The following INPP5D variants were observed in gnomAD, a reference collection of about 807,000 sequenced individuals.
INPP5D encodes inositol polyphosphate-5-phosphatase D, also known as phosphatidylinositol 3,4,5-trisphosphate 5-phosphatase 1.
A neutral mutation model predicts 122.9 loss-of-function variants in INPP5D; 33 were observed. The ratio of observed to expected loss-of-function variants is 0.27; its 90% CI spans 0.20 to 0.36. INPP5D has a LOEUF of 0.36. Among genes scored for constraint, INPP5D ranks in the 10% least tolerant of loss-of-function variants. The pLI, the probability that INPP5D is intolerant of heterozygous loss-of-function variation, is 1.00. For synonymous variants in INPP5D, 584 were observed against 576.2 expected (o/e 1.01, Z -0.19); for missense variants, 1,053 against 1,412.7 (o/e 0.75, Z 4.08).
At chr2:233,087,090 G>A (rs887158148) in intron 2 of INPP5D, among the ~76,000 whole-genome samples, 29 of 152,222 alleles carry the variant, frequency 1.9e-4, no homozygotes, top group African/African-American at 6.0e-4. Context: ...GGATGGTTTC[G>A]CTTCTCATCT....
chr2:233,196,407 A>G (rs573924956), intron 24 of INPP5D, among the ~76,000 whole-genome samples: 1 of 152,368 alleles, frequency 6.6e-6, no homozygotes, highest in Admixed American at 6.5e-5. Context: ...AATTCAGTGC[A>G]GTCCCTGACT....
intron 22 of INPP5D, 102 bp from the exon 23 acceptor site, chr2:233,193,710 C>A (rs1695109527): frequency 6.3e-7 from 1 of 1,584,844 alleles, no homozygotes; most frequent in African/African-American, 1.3e-5. Context: ...TAACCCTTGC[C>A]TGGGCTATAG....
rs1291328774 is a variant in INPP5D at position 233,137,867 on chromosome 2, T to TACATAC, written c.666-1974_666-1973insCATACA. 3.4e-4 allele frequency among the ~76,000 whole-genome samples: 10 copies of TACATAC among 29,740 alleles called. 2 individuals carry two copies. Among genetic ancestry groups the TACATAC allele is most frequent in the Admixed American group, 1.0e-3 (2 of 1,964 alleles). The allele number at this position is 29,740 out of a possible 152,430, so 19.5% of individuals were successfully genotyped here. A position where few individuals can be genotyped will look rare whatever the true frequency, so the allele number is the denominator to read the frequency against. ...AAAAAAAAAAAAATATATATATATA[T>TACATAC]ATATATATATATATATATATATATA... On this transcript the variant is annotated intron_variant, in intron 5 of 26. Coordinates refer to ENST00000445964, the MANE Select transcript of INPP5D (RefSeq NM_001017915.3).
At chr2:233,167,253 C>A (rs1477534130) in intron 13 of INPP5D, among the ~76,000 whole-genome samples, 2 of 150,606 alleles carry the variant, frequency 1.3e-5, no homozygotes, top group Non-Finnish European at 2.9e-5. Context: ...TGCCTGTGGG[C>A]CCAGCTACTC....
intron 2 of INPP5D, among the ~76,000 whole-genome samples, chr2:233,091,700 A>G (rs1691998312): frequency 6.6e-6 from 1 of 152,332 alleles, no homozygotes; most frequent in African/African-American, 2.4e-5. Context: ...GAGCAACCTT[A>G]TCTCCCTCAG....
At position 233,163,687 on chromosome 2, in the gene INPP5D, G is replaced by A. The variant is rs773495039; in HGVS notation, c.1241-20G>A. ...TCGATGTGCCTTTGACTCACTTGGT[G>A]TTGGGTTTTGCTGTTGAAGGTAACG... On this transcript the variant is annotated intron_variant, in intron 11 of 26. Coordinates refer to ENST00000445964, the MANE Select transcript of INPP5D (RefSeq NM_001017915.3). 1.9e-6 allele frequency: 3 copies of A among 1,613,446 alleles called. No individual in the cohort carries two copies. The highest frequency in any genetic ancestry group is 1.3e-5 in the African/African-American group (1 of 74,858).
At chr2:233,130,897 G>A (rs2106264607) in intron 5 of INPP5D, 1 of 640,336 alleles carries the variant, frequency 1.6e-6, no homozygotes, top group East Asian at 3.3e-5. Context: ...AGTTGCTCTG[G>A]GAAGCGGATG....
At chr2:233,182,052 C>T (rs1284760491) in intron 18 of INPP5D, among the ~76,000 whole-genome samples, 18 of 152,144 alleles carry the variant, frequency 1.2e-4, no homozygotes, top group Non-Finnish European at 1.5e-4. Context: ...GCCGAGATCG[C>T]GCCACTGCAT....
At chr2:233,169,158 G>T in intron 13 of INPP5D, 147 bp from the exon 14 acceptor site, 1 of 1,180,986 alleles carries the variant, frequency 8.5e-7, no homozygotes, top group Non-Finnish European at 1.2e-6. Flanking sequence ...TCTGCCCAGC[G>T]GCTCCCACCC....
intron 11 of INPP5D, 91 bp from the exon 12 acceptor site, chr2:233,163,616 C>T (rs1694249601): frequency 6.3e-6 from 10 of 1,592,252 alleles, no homozygotes; most frequent in Non-Finnish European, 8.5e-6. Flanking sequence ...GACGTGACCT[C>T]CCTCACACTC....
intron 2 of INPP5D, among the ~76,000 whole-genome samples, chr2:233,121,419 C>T (rs1026034106): frequency 6.6e-6 from 1 of 150,616 alleles, no homozygotes. Context: ...ATTACCGGCA[C>T]AAGCCACTGC....
intron 1 of INPP5D, among the ~76,000 whole-genome samples, chr2:233,064,452 A>C (rs1360806626): frequency 6.6e-6 from 1 of 152,358 alleles, no homozygotes; most frequent in East Asian, 1.9e-4. Flanking sequence ...CACCAGCAGA[A>C]GGTTGTTACC....
At chr2:233,204,962 C>T (rs1695455251) in intron 26 of INPP5D, 3 of 529,756 alleles carry the variant, frequency 5.7e-6, no homozygotes, top group South Asian at 3.7e-5. Flanking sequence ...TGCATTGCCT[C>T]TGCAGCAGTT....
intron 14 of INPP5D, chr2:233,169,815 C>A: frequency 1.2e-6 from 1 of 802,468 alleles, no homozygotes; most frequent in Non-Finnish European, 1.9e-6. Flanking sequence ...GCCCTCTGTA[C>A]ACCCAATGTG....
At chr2:233,080,023 A>T (rs926049677) in intron 2 of INPP5D, among the ~76,000 whole-genome samples, 1 of 152,106 alleles carries the variant, frequency 6.6e-6, no homozygotes, top group African/African-American at 2.4e-5. Context: ...TCCACCTCCC[A>T]GGTTCAAGTG....
chr2:233,067,913 A>C (rs934154610), intron 1 of INPP5D, among the ~76,000 whole-genome samples: 8 of 152,230 alleles, frequency 5.3e-5, no homozygotes, highest in Non-Finnish European at 1.0e-4. Flanking sequence ...CAAGAGGACA[A>C]AATGGAAAGA....
intron 13 of INPP5D, among the ~76,000 whole-genome samples, chr2:233,165,984 CA>C (rs1694325148): frequency 6.6e-6 from 1 of 152,058 alleles, no homozygotes; most frequent in Admixed American, 6.6e-5. Flanking sequence ...GACAGAGTCC[CA>C]GAGATAACAG....
At chr2:233,129,815 C>T (rs1032145411) in intron 4 of INPP5D, among the ~76,000 whole-genome samples, 29 of 152,218 alleles carry the variant, frequency 1.9e-4, no homozygotes, top group African/African-American at 7.0e-4. Flanking sequence ...GCCCTCAGAT[C>T]CTATCTTTAT....
intron 2 of INPP5D, among the ~76,000 whole-genome samples, chr2:233,107,889 C>T (rs778492875): frequency 5.3e-5 from 8 of 152,132 alleles, no homozygotes; most frequent in Non-Finnish European, 8.8e-5. Context: ...AGCGCTGCCA[C>T]GGCACTCCCT....
Sources: allele counts gnomAD v4.1 joint callset (sites outside exome capture counted in the v4.1 genomes callset), GRCh38; gene constraint gnomAD v4.1.1; transcripts MANE v1.5; gene names NCBI Gene and HGNC (gene_info 2026-07-23, HGNC 2026-07-21).